WDR3: variants seen among roughly 807,000 people sequenced by gnomAD.
WDR3 encodes WD repeat-containing protein 3.
WDR3 carries 81 observed loss-of-function variants against 123.7 expected under a neutral mutation model. The ratio of observed to expected loss-of-function variants is 0.65; its 90% confidence interval spans 0.55 to 0.79. The LOEUF is 0.79. Among genes scored for constraint, WDR3 ranks in the 30% least tolerant of loss-of-function variants. The pLI, the probability that WDR3 is intolerant of heterozygous loss-of-function variation, is 0.00. For synonymous variants in WDR3, 390 were observed against 388.8 expected (o/e 1.00, Z -0.04); for missense variants, 1,027 against 1,123.2 (o/e 0.91, Z 1.22).
At position 117,966,468 on chromosome 1, in the gene WDR3, A is replaced by G. The variant is rs1485050660; in HGVS notation, c.*7021A>G. On this transcript the variant is annotated 3_prime_UTR_variant, in exon 27 of 27. Coordinates refer to ENST00000349139, the MANE Select transcript of WDR3 (RefSeq NM_006784.3). ...TAGGTGCTTTCAAAGATGAATGAAG[A>G]TGCTCTTTGTCTTAATAAATTTAAC... The G allele has an allele frequency of 3.7e-6, 3 of 819,310 alleles. No individual in the cohort carries two copies. Among genetic ancestry groups the G allele is most frequent in the Non-Finnish European group, 5.3e-6 (3 of 562,726 alleles). 50.8% of individuals were successfully genotyped at this position (819,310 alleles called of 1,614,324 possible).
chr1:117,945,895 T>C (rs1651362114), intron 11 of WDR3, among the ~76,000 whole-genome samples, 191 bp from the exon 12 acceptor site: 1 of 152,212 alleles, frequency 6.6e-6, no homozygotes, highest in South Asian at 2.1e-4. Context: ...GGAGGCCTTA[T>C]AAAGTAAACA....
At chr1:117,931,620 G>A (rs1157646755) in intron 1 of WDR3, among the ~76,000 whole-genome samples, 1 of 152,218 alleles carries the variant, frequency 6.6e-6, no homozygotes, top group Admixed American at 6.5e-5. Context: ...GAAATAGACA[G>A]ATGGGAGTCC....
intron 2 of WDR3, chr1:117,933,850 A>G (rs1034112439): frequency 3.6e-6 from 1 of 276,446 alleles, no homozygotes; most frequent in African/African-American, 2.2e-5. Flanking sequence ...GGCATGTAAA[A>G]GGAAGGTTAG....
chr1:117,952,499 G>T, intron 18 of WDR3, 29 bp from the exon 19 acceptor site: 1 of 1,598,554 alleles, frequency 6.3e-7, no homozygotes, highest in Non-Finnish European at 8.5e-7. Context: ...AATGAATGAG[G>T]TATTCTTTAT....
chr1:117,952,077 G>A lies in WDR3; in HGVS notation c.1904+1G>A, dbSNP rs1487437351. On this transcript the variant is annotated splice_donor_variant, in intron 17 of 26. Transcript: ENST00000349139. LOFTEE classifies it high-confidence loss of function. ...AGTCTCTCTTTGCACATGATGACAGGTATGTATAGTCTTTTCAAATGTCTC... is the reference window on the plus strand; with the variant it reads ...AGTCTCTCTTTGCACATGATGACAGATATGTATAGTCTTTTCAAATGTCTC... 9.3e-6 allele frequency: 15 copies of A among 1,612,354 alleles called. No homozygotes were observed. The highest frequency in any genetic ancestry group is 2.2e-5 in the East Asian group (1 of 44,868).
At position 117,963,908 on chromosome 1, in the gene WDR3, C is replaced by T. The variant is rs142632361; in HGVS notation, c.*4461C>T. 48 of 1,613,724 alleles carry T rather than the reference C, an allele frequency of 3.0e-5. No individual in the cohort carries two copies. In the African/African-American group the frequency reaches 5.2e-4, roughly 17 times the overall value. ...TTTTCCCTGGGGAAAGTCTTTTGGT[C>T]GTTTATCATAATTGCTGCTTGTTAA... On this transcript the variant is annotated 3_prime_UTR_variant, in exon 27 of 27. Coordinates refer to ENST00000349139, the MANE Select transcript of WDR3 (RefSeq NM_006784.3).
intron 9 of WDR3, 67 bp downstream of exon 9, chr1:117,941,914 A>G (rs1651186711): frequency 6.7e-7 from 1 of 1,488,120 alleles, no homozygotes. Context: ...ACTGAAAAAA[A>G]ACTGGCTTCT....
intron 16 of WDR3, 134 bp downstream of exon 16, chr1:117,951,024 C>G (rs1292067812): frequency 4.7e-6 from 3 of 641,460 alleles, no homozygotes; most frequent in Admixed American, 3.3e-5. Context: ...TCTCCAAAAA[C>G]AGTCTCAAAT....
chr1:117,952,884 T>G (rs1651684750), intron 19 of WDR3, 62 bp from the exon 20 acceptor site: 4 of 1,582,644 alleles, frequency 2.5e-6, no homozygotes, highest in Non-Finnish European at 2.6e-6. Context: ...GCTTCCTCAT[T>G]TCTCTTCATA....
Position 117,943,739 on chromosome 1 carries a change from T to C in WDR3, c.1328+113T>C, listed in dbSNP as rs369254162. The C allele has an allele frequency of 8.8e-5, 84 of 953,268 alleles. No homozygotes were observed. The East Asian group carries it at 1.1e-3, about 12-fold the overall frequency. The allele number at this position is 953,268 out of a possible 1,614,324, so 59.1% of individuals were successfully genotyped here. A position where few individuals can be genotyped will look rare whatever the true frequency, so the allele number is the denominator to read the frequency against. Reference sequence around the variant, plus strand: ...TTAAGGCCCTAAATACAATTATCTTTAGTGCATTTGGGCCATTAGCCTGTG... The same window carrying C: ...TTAAGGCCCTAAATACAATTATCTTCAGTGCATTTGGGCCATTAGCCTGTG... On this transcript the variant is annotated intron_variant, in intron 11 of 26. Coordinates refer to ENST00000349139, the MANE Select transcript of WDR3 (RefSeq NM_006784.3).
At chr1:117,940,420 C>T (rs1325334877) in intron 6 of WDR3, among the ~76,000 whole-genome samples, 3 of 152,084 alleles carry the variant, frequency 2.0e-5, no homozygotes, top group Admixed American at 2.0e-4. Flanking sequence ...TCTAAGTCTT[C>T]AGGATTAAGA....
rs565305131 is a variant in WDR3 at position 117,963,087 on chromosome 1, A to G, written c.*3640A>G. The stretch of plus-strand genomic sequence containing the variant: ...TTATTTCTGAGGTTTTTGGGATCCA[A>G]GCAGCCCTGGTATGTTTTTAGAACA... On this transcript the variant is annotated 3_prime_UTR_variant, in exon 27 of 27. Coordinates refer to ENST00000349139, the MANE Select transcript of WDR3 (RefSeq NM_006784.3). 64 of 152,346 alleles carry G rather than the reference A, an allele frequency of 4.2e-4. No homozygotes were observed. The highest frequency in any genetic ancestry group is 1.4e-3 in the African/African-American group (60 of 41,562). 9.4% of individuals were successfully genotyped at this position (152,346 alleles called of 1,614,324 possible). A position where few individuals can be genotyped will look rare whatever the true frequency, so the allele number is the denominator to read the frequency against.
At chr1:117,942,974 A>G (rs561361740) in intron 10 of WDR3, among the ~76,000 whole-genome samples, 4 of 139,924 alleles carry the variant, frequency 2.9e-5, no homozygotes, top group African/African-American at 1.1e-4. Flanking sequence ...TTTTTTTGAG[A>G]TGGAGTCTTG....
intron 23 of WDR3, 47 bp from the exon 24 acceptor site, chr1:117,955,268 G>T: frequency 6.5e-7 from 1 of 1,545,764 alleles, no homozygotes. Flanking sequence ...AACTTTAGTA[G>T]AAACCAACCA....
chr1:117,943,389 T>C lies in WDR3; in HGVS notation c.1098-7T>C. ...GCTAGAACATTTATGATTATTTTCT[T>C]GTACAGGTCCTTTGACTTGATTCAT... On this transcript the variant is annotated splice_polypyrimidine_tract_variant and splice_region_variant and intron_variant, in intron 10 of 26. Coordinates refer to ENST00000349139, the MANE Select transcript of WDR3 (RefSeq NM_006784.3). The C allele has an allele frequency of 6.2e-7, 1 of 1,609,870 alleles. No individual in the cohort carries two copies. Among genetic ancestry groups the C allele is most frequent in the East Asian group, 2.2e-5 (1 of 44,822 alleles).
At position 117,938,468 on chromosome 1, in the gene WDR3, T is replaced by G; in HGVS notation, c.501-12T>G. The G allele has an allele frequency of 6.2e-7, 1 of 1,610,746 alleles. No homozygotes were observed. The highest frequency in any genetic ancestry group is 8.5e-7 in the Non-Finnish European group (1 of 1,178,108). ...AACAGGCTATATATTTTTTTCCTGT[T>G]TCTTCTTTTAGTGGGAAAGATACCA... On this transcript the variant is annotated splice_polypyrimidine_tract_variant and intron_variant, in intron 4 of 26. Coordinates refer to ENST00000349139, the MANE Select transcript of WDR3 (RefSeq NM_006784.3).
chr1:117,959,757 G>C lies in WDR3; in HGVS notation c.*310G>C, dbSNP rs1385784754. ...AGGGAATAAATAATTGTTTTAATTAGGTATTTGTTTCATTGGAGTTGAAAT... is the reference window on the plus strand; with the variant it reads ...AGGGAATAAATAATTGTTTTAATTACGTATTTGTTTCATTGGAGTTGAAAT... On this transcript the variant is annotated 3_prime_UTR_variant, in exon 27 of 27. Transcript: ENST00000349139. 4 of 190,010 alleles carry C rather than the reference G, an allele frequency of 2.1e-5. No individual in the cohort carries two copies. Among genetic ancestry groups the C allele is most frequent in the African/African-American group, 9.3e-5 (4 of 43,052 alleles). The allele number at this position is 190,010 out of a possible 1,614,324, so 11.8% of individuals were successfully genotyped here. A position where few individuals can be genotyped will look rare whatever the true frequency, so the allele number is the denominator to read the frequency against.
chr1:117,956,073 T>C (rs188735425), intron 24 of WDR3, among the ~76,000 whole-genome samples: 19 of 152,312 alleles, frequency 1.2e-4, no homozygotes, highest in Admixed American at 1.1e-3. Flanking sequence ...TTTTCATTTC[T>C]TTTGACTATT....
intron 25 of WDR3, among the ~76,000 whole-genome samples, chr1:117,958,385 G>C (rs113219286): frequency 7.2e-5 from 11 of 152,200 alleles, no homozygotes; most frequent in African/African-American, 2.6e-4. Flanking sequence ...ATTGAATTAG[G>C]GTTGCTGGTT....
Sources: gnomAD v4.1 joint callset for allele counts (sites outside exome capture counted in the v4.1 genomes callset) on GRCh38, gnomAD v4.1.1 for gene constraint, MANE v1.5 for transcripts, NCBI Gene and HGNC (gene_info 2026-07-23, HGNC 2026-07-21) for gene names.